Variants in RPL18 observed in about 807,000 individuals in gnomAD.
The protein encoded by RPL18 is large ribosomal subunit protein eL18.
In RPL18, 4 loss-of-function variants were observed where a neutral mutation model predicts 25.0. The observed-to-expected ratio is 0.16, with a 90% confidence interval of 0.08 to 0.37. The LOEUF (loss-of-function observed/expected upper bound fraction) is 0.37. Among genes scored for constraint, RPL18 ranks in the 10% least tolerant of loss-of-function variants. The probability of loss-of-function intolerance (pLI) is 1.00; values close to 1 mark genes in which losing one functional copy is unlikely to be tolerated. For synonymous variants in RPL18, 129 were observed against 101.6 expected (o/e 1.27, Z -1.62); for missense variants, 179 against 267.9 (o/e 0.67, Z 2.32).
At chr19:48,616,286 G>C (rs1419331208) in intron 4 of RPL18, 84 bp from the exon 5 acceptor site, 1 of 1,550,988 alleles carries the variant, frequency 6.4e-7, no homozygotes, top group East Asian at 2.3e-5. Context: ...CTGCCTTGGC[G>C]CAGCAGAGCC....
chr19:48,615,518 C>A (rs1857910615), intron 6 of RPL18, 71 bp from the exon 7 acceptor site: 12 of 1,149,388 alleles, frequency 1.0e-5, no homozygotes, highest in South Asian at 6.7e-5. Flanking sequence ...ACAGGAACAC[C>A]ACAAGCCTGT....
intron 6 of RPL18, 66 bp from the exon 7 acceptor site, chr19:48,615,513 A>G: frequency 8.4e-7 from 1 of 1,189,232 alleles, no homozygotes. Context: ...GTGGCACAGG[A>G]ACACCACAAG....
At chr19:48,616,243 G>C (rs370173428) in intron 4 of RPL18, 41 bp from the exon 5 acceptor site, 1 of 1,607,590 alleles carries the variant, frequency 6.2e-7, no homozygotes, top group African/African-American at 1.3e-5. Flanking sequence ...ACCCCTGCGT[G>C]GTCACCCAGG....
At chr19:48,618,968 G>A (rs764761201) in intron 1 of RPL18, 173 bp downstream of exon 1, 12 of 662,150 alleles carry the variant, frequency 1.8e-5, no homozygotes, top group Middle Eastern at 2.8e-4. Context: ...GGGGCGGTAG[G>A]CTATGACTGA....
intron 1 of RPL18, 86 bp downstream of exon 1, chr19:48,619,055 C>A: frequency 6.9e-7 from 1 of 1,447,406 alleles, no homozygotes; most frequent in Non-Finnish European, 9.5e-7. Context: ...CGCAGACCCC[C>A]TGCCGCCCTC....
At chr19:48,616,324 C>T in intron 4 of RPL18, 122 bp from the exon 5 acceptor site, 1 of 1,247,968 alleles carries the variant, frequency 8.0e-7, no homozygotes, top group Non-Finnish European at 1.1e-6. Context: ...CGTTTACTAC[C>T]CGGAGCACCC....
At chr19:48,616,569 C>G (rs775290381) in intron 4 of RPL18, 157 bp downstream of exon 4, 1 of 732,596 alleles carries the variant, frequency 1.4e-6, no homozygotes, top group Non-Finnish European at 2.5e-6. Context: ...CCAGAGACGA[C>G]CCACACCAAT....
intron 6 of RPL18, 89 bp from the exon 7 acceptor site, chr19:48,615,536 A>T: frequency 9.9e-7 from 1 of 1,009,252 alleles, no homozygotes; most frequent in Non-Finnish European, 1.5e-6. Flanking sequence ...TGTCACATTC[A>T]GCCCCAGGAG....
In RPL18 at chr19:48,616,643, C is replaced by CCAGCACAGCACAGCACAGCACAGCA. The variant is rs58972118; in HGVS notation, c.297+58_297+82dup. 2,584 of 929,438 alleles carry CCAGCACAGCACAGCACAGCACAGCA rather than the reference C, an allele frequency of 2.8e-3. 33 individuals are homozygous for CCAGCACAGCACAGCACAGCACAGCA. In the East Asian group the frequency reaches 0.035, roughly 12 times the overall value. The allele number at this position is 929,438 out of a possible 1,614,324, so 57.6% of individuals were successfully genotyped here. ...CAGCGGTGGCAAGACTGAGGATGGACCAGCACAGCACAGCACAGCACAGCA... is the reference window on the plus strand; with the variant it reads ...CAGCGGTGGCAAGACTGAGGATGGACCAGCACAGCACAGCACAGCACAGCACAGCACAGCACAGCACAGCACAGCA... On this transcript the variant is annotated intron_variant, in intron 4 of 6. Coordinates refer to ENST00000549920, the MANE Select transcript of RPL18 (RefSeq NM_000979.4).
At chr19:48,618,979 C>G in intron 1 of RPL18, 162 bp downstream of exon 1, 1 of 710,238 alleles carries the variant, frequency 1.4e-6, no homozygotes, top group African/African-American at 1.8e-5. Flanking sequence ...CTATGACTGA[C>G]CCATCCCTGC....
chr19:48,615,812 G>T, intron 6 of RPL18, 65 bp downstream of exon 6: 1 of 1,427,026 alleles, frequency 7.0e-7, no homozygotes, highest in Non-Finnish European at 9.7e-7. Flanking sequence ...CAGCCCAAGT[G>T]TGGCCAGGCC....
intron 1 of RPL18, 162 bp downstream of exon 1, chr19:48,618,979 C>T (rs1974284488): frequency 1.4e-6 from 1 of 710,238 alleles, no homozygotes; most frequent in East Asian, 2.7e-5. Context: ...CTATGACTGA[C>T]CCATCCCTGC....
chr19:48,617,916 C>A, intron 1 of RPL18, 39 bp from the exon 2 acceptor site: 1 of 1,407,150 alleles, frequency 7.1e-7, no homozygotes, highest in Non-Finnish European at 1.0e-6. Context: ...CCAATTACCC[C>A]CAACCATAGC....
chr19:48,617,731 G>C, intron 2 of RPL18, 60 bp downstream of exon 2: 1 of 1,327,616 alleles, frequency 7.5e-7, no homozygotes, highest in Non-Finnish European at 1.1e-6. Flanking sequence ...CACTAGAATG[G>C]AGGATCTGCA....
chr19:48,615,658 G>A (rs574614264), intron 6 of RPL18: 8 of 643,584 alleles, frequency 1.2e-5, no homozygotes, highest in South Asian at 5.6e-5. Context: ...GGCAAAGGCC[G>A]GTGAACTGCA....
Position 48,619,154 on chromosome 19 carries a change from C to A in RPL18, c.-11G>T. 6.3e-7 allele frequency: 1 copy of A among 1,596,448 alleles called. No individual in the cohort carries two copies. Among genetic ancestry groups the A allele is most frequent in the Non-Finnish European group, 8.5e-7 (1 of 1,172,372 alleles). ...AAGCGAGCTCACCATGATGGCGCCT[C>A]CTGCTCGGCCAGGTCCGGAAAGAGA... On this transcript the variant is annotated 5_prime_UTR_variant, in exon 1 of 7. Transcript: ENST00000549920.
intron 4 of RPL18, 155 bp downstream of exon 4, chr19:48,616,571 C>A (rs1974176947): frequency 5.4e-6 from 4 of 735,336 alleles, no homozygotes; most frequent in African/African-American, 1.7e-5. Context: ...AGAGACGACC[C>A]ACACCAATCC....
At chr19:48,615,531 C>T in intron 6 of RPL18, 84 bp from the exon 7 acceptor site, 1 of 1,041,240 alleles carries the variant, frequency 9.6e-7, no homozygotes. Context: ...AAGCCTGTCA[C>T]ATTCAGCCCC....
chr19:48,618,043 A>G lies in RPL18; in HGVS notation c.4-166T>C, dbSNP rs1368269320. The stretch of plus-strand genomic sequence containing the variant: ...TGTGGGCTGCCACTGATCCCTCTGT[A>G]AAAAGGGGCTGTTTACAAAGCCTTC... On this transcript the variant is annotated intron_variant, in intron 1 of 6. Transcript: ENST00000549920. The G allele has an allele frequency of 1.7e-5, 10 of 580,108 alleles. No homozygotes were observed. In the Middle Eastern group the frequency reaches 1.2e-3, roughly 68 times the overall value. The allele number at this position is 580,108 out of a possible 1,614,324, so 35.9% of individuals were successfully genotyped here.
Sources: allele counts gnomAD v4.1 joint callset, GRCh38; gene constraint gnomAD v4.1.1; transcripts MANE v1.5; gene names NCBI Gene and HGNC (gene_info 2026-07-23, HGNC 2026-07-21).